GALNT18: variants seen among roughly 807,000 people sequenced by gnomAD.
GALNT18 encodes GalNAc-transferase 18.
GALNT18 carries 44 observed loss-of-function variants against 69.5 expected under a neutral mutation model. The observed-to-expected ratio is 0.63, with a 90% CI of 0.50 to 0.81. The LOEUF (loss-of-function observed/expected upper bound fraction) is 0.81, where lower values mean the gene tolerates loss of function less well. Ranked by LOEUF, GALNT18 falls within the 40% of genes least tolerant of loss-of-function variation. The pLI, the probability that GALNT18 is intolerant of heterozygous loss-of-function variation, is 0.00. For missense variants in GALNT18, 715 were observed against 810.0 expected, an observed-to-expected ratio of 0.88 and a Z score of 1.42; for synonymous variants, 364 against 318.2, an observed-to-expected ratio of 1.14 and a Z score of -1.53.
rs1469533443 is a variant in GALNT18 at position 11,465,694 on chromosome 11, T to C, written c.236-16758A>G. Among the ~76,000 whole-genome samples the C allele has an allele frequency of 1.3e-5, 2 of 152,116 alleles. No individual in the cohort carries two copies. The highest frequency in any genetic ancestry group is 3.9e-4 in the East Asian group (2 of 5,182). On this transcript the variant is annotated intron_variant, in intron 1 of 10. Coordinates refer to ENST00000227756, the MANE Select transcript of GALNT18 (RefSeq NM_198516.3). The surrounding 1 kb of genome is among the most constrained non-coding windows in gnomAD (Gnocchi z 5.7). ...TTGCTTCACCCACCTGTATAAGACA[T>C]ACCACGGTTAGCTCCTGGACCATGG...
intron 1 of GALNT18, among the ~76,000 whole-genome samples, chr11:11,519,990 G>A (rs1464642666): frequency 1.3e-5 from 2 of 152,216 alleles, no homozygotes; most frequent in Non-Finnish European, 1.5e-5. Flanking sequence ...CCCGGAAGAG[G>A]TCACCAAAGG....
chr11:11,311,786 CTCT>C (rs1360752554), intron 9 of GALNT18, among the ~76,000 whole-genome samples: 5 of 152,208 alleles, frequency 3.3e-5, no homozygotes, highest in Non-Finnish European at 5.9e-5. Context: ...ATTCTGCCAG[CTCT>C]TATCTTGACT....
chr11:11,563,400 C>T lies in GALNT18; in HGVS notation c.235+57959G>A, dbSNP rs1397381192. The stretch of plus-strand genomic sequence containing the variant: ...AGACAGGGTCTGCTGCCTTTAACTG[C>T]ATTACTCTGAAGGTGGCTTCTGGAT... On this transcript the variant is annotated intron_variant, in intron 1 of 10. Coordinates refer to ENST00000227756, the MANE Select transcript of GALNT18 (RefSeq NM_198516.3). The surrounding 1 kb of genome is among the most constrained non-coding windows in gnomAD (Gnocchi z 4.6). 2.6e-5 allele frequency among the ~76,000 whole-genome samples: 4 copies of T among 152,200 alleles called. No individual in the cohort carries two copies. The highest frequency in any genetic ancestry group is 7.2e-5 in the African/African-American group (3 of 41,458).
chr11:11,550,602 C>A (rs1166113426), intron 1 of GALNT18, among the ~76,000 whole-genome samples: 2 of 152,198 alleles, frequency 1.3e-5, no homozygotes, highest in African/African-American at 4.8e-5. Flanking sequence ...ATTACAAGTG[C>A]ATAGGATACT....
chr11:11,282,179 TTTC>T (rs1366014196), intron 10 of GALNT18, among the ~76,000 whole-genome samples: 7 of 151,566 alleles, frequency 4.6e-5, no homozygotes, highest in African/African-American at 7.3e-5. Flanking sequence ...GAACAGACTC[TTTC>T]TTCTTCTCTC....
chr11:11,374,707 C>A (rs1236179185), intron 5 of GALNT18, among the ~76,000 whole-genome samples: 2 of 152,250 alleles, frequency 1.3e-5, no homozygotes, highest in South Asian at 4.1e-4. Context: ...TATCGATTTA[C>A]ACCTTGCCTC....
chr11:11,366,968 G>T (rs1324776144), intron 6 of GALNT18, among the ~76,000 whole-genome samples: 1 of 152,208 alleles, frequency 6.6e-6, no homozygotes. Context: ...AAGGTACTGA[G>T]AAATCTCAGA....
In GALNT18 at chr11:11,530,271, A is replaced by AT. The variant is rs920669445; in HGVS notation, c.236-81336dup. 6.6e-5 allele frequency among the ~76,000 whole-genome samples: 10 copies of AT among 152,148 alleles called. No homozygotes were observed. In the South Asian group the frequency reaches 1.5e-3, roughly 22 times the overall value. On this transcript the variant is annotated intron_variant, in intron 1 of 10. Transcript: ENST00000227756. ...AGCATGCACTTAATAACTTAAGGCA[A>AT]TTTTTTTTAAGTGAACAAATGCCCT...
rs769599085 is a variant in GALNT18 at position 11,543,325 on chromosome 11, A to C, written c.235+78034T>G. On this transcript the variant is annotated intron_variant, in intron 1 of 10. Transcript: ENST00000227756. The surrounding 1 kb of genome is among the most constrained non-coding windows in gnomAD (Gnocchi z 5.1). ...CCTAGGTGTCCACTGTCTTAGCTTC[A>C]TTCTCTCATGGCAGGAATCCTTAGT... Among the ~76,000 whole-genome samples, 1 of 152,144 alleles carries C rather than the reference A, an allele frequency of 6.6e-6. No homozygotes were observed. Among genetic ancestry groups the C allele is most frequent in the Non-Finnish European group, 1.5e-5 (1 of 68,018 alleles).
At chr11:11,406,658 G>T (rs887082592) in intron 3 of GALNT18, among the ~76,000 whole-genome samples, 1 of 152,196 alleles carries the variant, frequency 6.6e-6, no homozygotes, top group Non-Finnish European at 1.5e-5. Context: ...CATACAAGTC[G>T]GGGCAGTATA....
chr11:11,428,795 G>A (rs1223126643), intron 3 of GALNT18, among the ~76,000 whole-genome samples: 1 of 152,156 alleles, frequency 6.6e-6, no homozygotes, highest in Non-Finnish European at 1.5e-5. Flanking sequence ...AAATACAATA[G>A]AATTGAATTG....
chr11:11,374,680 T>C (rs1241988277), intron 5 of GALNT18, among the ~76,000 whole-genome samples: 1 of 152,236 alleles, frequency 6.6e-6, no homozygotes, highest in African/African-American at 2.4e-5. Context: ...AAGTGGATTC[T>C]ATCAGCATGA....
chr11:11,329,441 C>G lies in GALNT18; in HGVS notation c.1417-2260G>C, dbSNP rs115790069. On this transcript the variant is annotated intron_variant, in intron 8 of 10. Transcript: ENST00000227756. ...TAACAAGCTCCACTCTCCTCCCTGTCTATAGTGCTATTCAGCCTGTGTGGA... is the reference window on the plus strand; with the variant it reads ...TAACAAGCTCCACTCTCCTCCCTGTGTATAGTGCTATTCAGCCTGTGTGGA... 3.3e-3 allele frequency among the ~76,000 whole-genome samples: 501 copies of G among 152,302 alleles called. 2 individuals are homozygous for G. Among genetic ancestry groups the G allele is most frequent in the African/African-American group, 0.011 (469 of 41,578 alleles).
chr11:11,490,728 G>T (rs575950817), intron 1 of GALNT18, among the ~76,000 whole-genome samples: 5 of 152,262 alleles, frequency 3.3e-5, no homozygotes, highest in South Asian at 2.1e-4. Flanking sequence ...GGTCCAGAAG[G>T]TGTGCTCAGA....
chr11:11,406,091 G>T (rs561065779), intron 3 of GALNT18, among the ~76,000 whole-genome samples: 1 of 152,298 alleles, frequency 6.6e-6, no homozygotes, highest in Admixed American at 6.5e-5. Flanking sequence ...TCCCTATTGT[G>T]ATTTTCTCCT....
chr11:11,529,579 T>A (rs568049489), intron 1 of GALNT18, among the ~76,000 whole-genome samples: 1 of 152,236 alleles, frequency 6.6e-6, no homozygotes, highest in Admixed American at 6.5e-5. Context: ...TCTTGGGGCT[T>A]CTCCGCCTCA....
rs1005327418 is a variant in GALNT18, at chr11:11,617,727, CT to C, written c.235+3631del. The stretch of plus-strand genomic sequence containing the variant: ...GCTACTAAGAAAAGAAGAAAGCTAT[CT>C]TTATTTTTACTGAATTTCCAAAATA... On this transcript the variant is annotated intron_variant, in intron 1 of 10. Coordinates refer to ENST00000227756, the MANE Select transcript of GALNT18 (RefSeq NM_198516.3). The surrounding 1 kb of genome is among the most constrained non-coding windows in gnomAD (Gnocchi z 4.7). Among the ~76,000 whole-genome samples the C allele has an allele frequency of 3.9e-5, 6 of 152,168 alleles. No homozygotes were observed. The highest frequency in any genetic ancestry group is 1.2e-4 in the African/African-American group (5 of 41,432).
At position 11,564,586 on chromosome 11, in the gene GALNT18, A is replaced by C. The variant is rs571235810; in HGVS notation, c.235+56773T>G. Reference sequence around the variant, plus strand: ...CTGAAAACTGTCAGAGCTCATCAGCACGGTGGCAATGCAGGCAGCCCCCAA... The same window carrying C: ...CTGAAAACTGTCAGAGCTCATCAGCCCGGTGGCAATGCAGGCAGCCCCCAA... On this transcript the variant is annotated intron_variant, in intron 1 of 10. Coordinates refer to ENST00000227756, the MANE Select transcript of GALNT18 (RefSeq NM_198516.3). This position sits in a 1 kb window ranked among gnomAD's most constrained non-coding sequence, Gnocchi z 4.3. 6.6e-6 allele frequency among the ~76,000 whole-genome samples: 1 copy of C among 152,210 alleles called. No individual in the cohort carries two copies. The highest frequency in any genetic ancestry group is 1.5e-5 in the Non-Finnish European group (1 of 68,036).
At position 11,596,487 on chromosome 11, in the gene GALNT18, T is replaced by C. The variant is rs1328584178; in HGVS notation, c.235+24872A>G. 2.6e-5 allele frequency among the ~76,000 whole-genome samples: 4 copies of C among 152,198 alleles called. No homozygotes were observed. Among genetic ancestry groups the C allele is most frequent in the Non-Finnish European group, 5.9e-5 (4 of 68,008 alleles). ...ATCTTAACAATATTAAGTCTTGCAG[T>C]CCATGAACATGAGATGTCTTCCCAT... On this transcript the variant is annotated intron_variant, in intron 1 of 10. Coordinates refer to ENST00000227756, the MANE Select transcript of GALNT18 (RefSeq NM_198516.3). The surrounding 1 kb of genome is among the most constrained non-coding windows in gnomAD (Gnocchi z 4.2).
Sources: gnomAD v4.1 joint callset for allele counts (sites outside exome capture counted in the v4.1 genomes callset) on GRCh38, gnomAD v4.1.1 for gene constraint, Gnocchi (gnomAD v3.1) non-coding constraint, MANE v1.5 for transcripts, NCBI Gene and HGNC (gene_info 2026-07-23, HGNC 2026-07-21) for gene names.